The following ROBO2 variants were observed in gnomAD, a reference collection of about 807,000 sequenced individuals.
ROBO2 encodes the protein roundabout guidance receptor 2, also known as roundabout homolog 2.
ROBO2 carries 53 observed loss-of-function variants against 160.8 expected under a neutral mutation model. The ratio of observed to expected loss-of-function variants is 0.33; its 90% CI spans 0.26 to 0.41. The LOEUF (loss-of-function observed/expected upper bound fraction) is 0.41, where lower values mean the gene tolerates loss of function less well. Among genes scored for constraint, ROBO2 ranks in the 10% least tolerant of loss-of-function variants. ROBO2 has a pLI of 1.00. For synonymous variants in ROBO2, 664 were observed against 611.7 expected (o/e 1.09, Z -1.26); for missense variants, 1,577 against 1,722.4 (o/e 0.92, Z 1.49).
At chr3:76,593,882 TATAAA>T (rs1259878452) in intron 2 of ROBO2, among the ~76,000 whole-genome samples, 2 of 151,952 alleles carry the variant, frequency 1.3e-5, no homozygotes, top group Non-Finnish European at 2.9e-5. Context: ...TTTTTAAATG[TATAAA>T]ATAAGAGAAA....
intron 2 of ROBO2, among the ~76,000 whole-genome samples, chr3:76,659,540 C>T (rs994262886): frequency 6.6e-6 from 1 of 152,040 alleles, no homozygotes; most frequent in Non-Finnish European, 1.5e-5. Flanking sequence ...TTTCTCTCAG[C>T]TAATGGGCTG....
At chr3:77,092,351 A>G (rs2070408123) in intron 1 of ROBO2, among the ~76,000 whole-genome samples, 2 of 151,844 alleles carry the variant, frequency 1.3e-5, no homozygotes, top group South Asian at 4.1e-4. Flanking sequence ...ATTCATTTCT[A>G]AAGAAGCCTG....
chr3:76,821,882 T>A (rs1146015), intron 2 of ROBO2, among the ~76,000 whole-genome samples: 39,755 of 151,812 alleles, frequency 0.26, 5,546 homozygotes, highest in East Asian at 0.44. Flanking sequence ...GTCAGTGGTA[T>A]AACACTAGAG....
intron 2 of ROBO2, among the ~76,000 whole-genome samples, chr3:76,466,452 T>C (rs1379048428): frequency 6.6e-6 from 1 of 151,986 alleles, no homozygotes; most frequent in African/African-American, 2.4e-5. Flanking sequence ...ACTATTCTTT[T>C]TTTATTCAGT....
At chr3:76,769,201 T>A (rs2061741457) in intron 2 of ROBO2, among the ~76,000 whole-genome samples, 1 of 151,478 alleles carries the variant, frequency 6.6e-6, no homozygotes, top group Admixed American at 6.6e-5. Context: ...CTGGCGACAC[T>A]TGTTAAAATG....
chr3:76,895,678 T>A (rs2074711637), intron 2 of ROBO2, among the ~76,000 whole-genome samples: 1 of 152,138 alleles, frequency 6.6e-6, no homozygotes, highest in Admixed American at 6.6e-5. Flanking sequence ...TCTGCAATAT[T>A]GAACTGAAAT....
intron 5 of ROBO2, among the ~76,000 whole-genome samples, chr3:77,500,711 A>G (rs1049682443): frequency 6.6e-6 from 1 of 152,236 alleles, no homozygotes; most frequent in East Asian, 1.9e-4. Context: ...GAGGGATGAC[A>G]GAATTGTAGT....
chr3:75,981,712 G>A (rs562362330), intron 2 of ROBO2, among the ~76,000 whole-genome samples: 88 of 151,398 alleles, frequency 5.8e-4, no homozygotes, highest in African/African-American at 2.1e-3. Flanking sequence ...TGTGAAATAA[G>A]TACATCATGG....
chr3:76,991,537 C>T (rs549291240), intron 2 of ROBO2, among the ~76,000 whole-genome samples: 12 of 152,246 alleles, frequency 7.9e-5, no homozygotes, highest in Middle Eastern at 3.4e-3. Flanking sequence ...GGTTCCACAA[C>T]GCTGTTGTGT....
chr3:76,321,776 A>G (rs2072546998), intron 2 of ROBO2, among the ~76,000 whole-genome samples: 2 of 152,158 alleles, frequency 1.3e-5, no homozygotes, highest in African/African-American at 4.8e-5. Flanking sequence ...ACTGAAAATA[A>G]AAGGCCGTTG....
In ROBO2 at chr3:76,567,807, A is replaced by ATAT. The variant is rs1483342803; in HGVS notation, c.110-530206_110-530205insATT. 7.4e-3 allele frequency among the ~76,000 whole-genome samples: 538 copies of ATAT among 72,280 alleles called. 12 individuals carry two copies. The highest frequency in any genetic ancestry group is 0.026 in the African/African-American group (496 of 18,826). 47.4% of individuals were successfully genotyped at this position (72,280 alleles called of 152,430 possible). On this transcript the variant is annotated intron_variant, in intron 2 of 26. Coordinates refer to the ROBO2 transcript ENST00000487694. ...TGTGTGTGTGTGTGTGTATATATAT[A>ATAT]TTTTTTTTTTTTTTTTGGGGGGGGT...
chr3:76,731,415 C>G (rs1329043530), intron 2 of ROBO2, among the ~76,000 whole-genome samples: 1 of 152,032 alleles, frequency 6.6e-6, no homozygotes, highest in Non-Finnish European at 1.5e-5. Context: ...CAGGCAAATC[C>G]TATGAGCATA....
chr3:76,841,142 C>T (rs940592607), intron 2 of ROBO2, among the ~76,000 whole-genome samples: 2 of 152,088 alleles, frequency 1.3e-5, no homozygotes, highest in Non-Finnish European at 2.9e-5. Flanking sequence ...ATTTAGAGAA[C>T]TAAAATCTTG....
chr3:77,596,068 C>A (rs1165213888), intron 18 of ROBO2, among the ~76,000 whole-genome samples: 2 of 151,954 alleles, frequency 1.3e-5, no homozygotes, highest in Non-Finnish European at 2.9e-5. Context: ...TTAAAAAAAA[C>A]CCTTAATATA....
chr3:76,182,008 A>G (rs2107107997), intron 2 of ROBO2, among the ~76,000 whole-genome samples: 1 of 152,316 alleles, frequency 6.6e-6, no homozygotes, highest in Admixed American at 6.5e-5. Context: ...AAGAAAGATT[A>G]GGAATGAGTT....
At chr3:77,442,211 C>G (rs2080005718) in intron 2 of ROBO2, among the ~76,000 whole-genome samples, 1 of 151,882 alleles carries the variant, frequency 6.6e-6, no homozygotes, top group Non-Finnish European at 1.5e-5. Context: ...ACTCGGGAGG[C>G]TGAGGCAGGA....
chr3:76,242,279 T>C (rs778441698), intron 2 of ROBO2, among the ~76,000 whole-genome samples: 5 of 152,140 alleles, frequency 3.3e-5, no homozygotes, highest in Non-Finnish European at 7.4e-5. Context: ...TGCCCCCTTC[T>C]TCAGATACTC....
At chr3:77,426,083 G>C (rs949590298) in intron 2 of ROBO2, among the ~76,000 whole-genome samples, 1 of 152,080 alleles carries the variant, frequency 6.6e-6, no homozygotes, top group Non-Finnish European at 1.5e-5. Context: ...GGATTGGGAG[G>C]GAGCAAGAAC....
At chr3:76,935,941 G>A (rs1485388661) in intron 2 of ROBO2, among the ~76,000 whole-genome samples, 1 of 152,144 alleles carries the variant, frequency 6.6e-6, no homozygotes, top group Non-Finnish European at 1.5e-5. Flanking sequence ...TCACATTGGC[G>A]ATTAGGTTTC....
Sources: gnomAD v4.1 joint callset for allele counts (sites outside exome capture counted in the v4.1 genomes callset) on GRCh38, gnomAD v4.1.1 for gene constraint, MANE v1.5 for transcripts, NCBI Gene and HGNC (gene_info 2026-07-23, HGNC 2026-07-21) for gene names.